POLR2J: variants seen among roughly 807,000 people sequenced by gnomAD.
The protein encoded by POLR2J is DNA-directed RNA polymerase II subunit RPB11-a.
A neutral mutation model predicts 13.4 loss-of-function variants in POLR2J; 12 were observed. The observed-to-expected ratio is 0.90, with a 90% CI of 0.57 to 1.45. POLR2J has a LOEUF of 1.45. POLR2J is among the 40% of genes most tolerant of loss of function. The pLI is 0.00. For missense variants in POLR2J, 58 were observed against 132.0 expected (o/e 0.44, Z 2.75); for synonymous variants, 31 against 53.6 (o/e 0.58, Z 1.84).
Position 102,473,343 on chromosome 7 carries a change from C to G in POLR2J, c.*306G>C. 1 of 567,352 alleles carries G rather than the reference C, an allele frequency of 1.8e-6. No homozygotes were observed. Among genetic ancestry groups the G allele is most frequent in the Non-Finnish European group, 3.0e-6 (1 of 329,942 alleles). The allele number at this position is 567,352 out of a possible 1,614,324, so 35.1% of individuals were successfully genotyped here. A position where few individuals can be genotyped will look rare whatever the true frequency, so the allele number is the denominator to read the frequency against. On this transcript the variant is annotated 3_prime_UTR_variant, in exon 4 of 4. Coordinates refer to ENST00000292614, the MANE Select transcript of POLR2J (RefSeq NM_006234.6). ...AGCCCCTGGACCCCGGATCTTTGGT[C>G]CAGAATGAATTCATCCCTGCCAGCC...
Position 102,473,463 on chromosome 7 carries a change from C to T in POLR2J, c.*186G>A. On this transcript the variant is annotated 3_prime_UTR_variant, in exon 4 of 4. Transcript: ENST00000292614. Reference sequence around the variant, plus strand: ...GCTCAAGTCCACATCCAGGTCTCTCCCGCTATACTTTATTAGGAATATAAA... The same window carrying T: ...GCTCAAGTCCACATCCAGGTCTCTCTCGCTATACTTTATTAGGAATATAAA... 1.3e-6 allele frequency: 1 copy of T among 781,522 alleles called. No individual in the cohort carries two copies. The highest frequency in any genetic ancestry group is 3.2e-5 in the East Asian group (1 of 31,630). 48.4% of individuals were successfully genotyped at this position (781,522 alleles called of 1,614,324 possible).
Position 102,473,205 on chromosome 7 carries a change from G to C in POLR2J, c.*444C>G. On this transcript the variant is annotated 3_prime_UTR_variant, in exon 4 of 4. Transcript: ENST00000292614. ...GGTGTTTCGAGTTATGCAGGAAGAA[G>C]TGTTCCTGCTTTGACTGACAGGCAG... The C allele has an allele frequency of 1.1e-6, 1 of 893,212 alleles. No homozygotes were observed. Among genetic ancestry groups the C allele is most frequent in the Non-Finnish European group, 1.7e-6 (1 of 604,696 alleles). The allele number at this position is 893,212 out of a possible 1,614,324, so 55.3% of individuals were successfully genotyped here. A position where few individuals can be genotyped will look rare whatever the true frequency, so the allele number is the denominator to read the frequency against.
Position 102,473,137 on chromosome 7 carries a change from A to C in POLR2J, c.*512T>G. ...GGGGTGGGGGGGGGTCTTTCAGTGAATATTTTTATTAAACTCTACTGTGGA... is the reference window on the plus strand; with the variant it reads ...GGGGTGGGGGGGGGTCTTTCAGTGACTATTTTTATTAAACTCTACTGTGGA... On this transcript the variant is annotated 3_prime_UTR_variant, in exon 4 of 4. Coordinates refer to ENST00000292614, the MANE Select transcript of POLR2J (RefSeq NM_006234.6). 3 of 1,403,756 alleles carry C rather than the reference A, an allele frequency of 2.1e-6. No homozygotes were observed. The highest frequency in any genetic ancestry group is 9.7e-7 in the Non-Finnish European group (1 of 1,033,860). 87.0% of individuals were successfully genotyped at this position (1,403,756 alleles called of 1,614,324 possible).
At chr7:102,475,636 A>C (rs1415881565) in intron 2 of POLR2J, among the ~76,000 whole-genome samples, 12 of 152,266 alleles carry the variant, frequency 7.9e-5, no homozygotes, top group Admixed American at 3.9e-4. Context: ...TTAATGGTGA[A>C]TGTAAGGCCG....
At position 102,473,549 on chromosome 7, in the gene POLR2J, TGGCTGGGACC is replaced by T; in HGVS notation, c.*90_*99del. 8.3e-7 allele frequency: 1 copy of T among 1,204,606 alleles called. No homozygotes were observed. The highest frequency in any genetic ancestry group is 2.3e-5 in the African/African-American group (1 of 44,342). 74.6% of individuals were successfully genotyped at this position (1,204,606 alleles called of 1,614,324 possible). A position where few individuals can be genotyped will look rare whatever the true frequency, so the allele number is the denominator to read the frequency against. On this transcript the variant is annotated 3_prime_UTR_variant, in exon 4 of 4. Transcript: ENST00000292614. ...TGAGGGGTGGCCACAAGGCGGGCCA[TGGCTGGGACC>T]GGCCGCTCTCCTCGGTGTGGTACCT...
In POLR2J at chr7:102,473,548, A is replaced by G. The variant is rs542922406; in HGVS notation, c.*101T>C. On this transcript the variant is annotated 3_prime_UTR_variant, in exon 4 of 4. Coordinates refer to ENST00000292614, the MANE Select transcript of POLR2J (RefSeq NM_006234.6). The stretch of plus-strand genomic sequence containing the variant: ...GTGAGGGGTGGCCACAAGGCGGGCC[A>G]TGGCTGGGACCGGCCGCTCTCCTCG... 216 of 1,199,286 alleles carry G rather than the reference A, an allele frequency of 1.8e-4. 1 individual carries two copies. In the South Asian group the frequency reaches 2.2e-3, roughly 12 times the overall value. 74.3% of individuals were successfully genotyped at this position (1,199,286 alleles called of 1,614,324 possible).
intron 2 of POLR2J, among the ~76,000 whole-genome samples, chr7:102,474,889 C>CAAAT: frequency 6.7e-6 from 1 of 149,814 alleles, no homozygotes; most frequent in South Asian, 2.1e-4. Context: ...CTCCACGCAG[C>CAAAT]AAATAAAGGC....
chr7:102,475,649 C>T (rs1258140280), intron 2 of POLR2J, among the ~76,000 whole-genome samples: 2 of 152,350 alleles, frequency 1.3e-5, no homozygotes, highest in Non-Finnish European at 2.9e-5. Context: ...TAAGGCCGGG[C>T]GCAGTAGCTC....
At position 102,473,519 on chromosome 7, in the gene POLR2J, CAGGGTGA is replaced by C. The variant is rs1798301388; in HGVS notation, c.*123_*129del. On this transcript the variant is annotated 3_prime_UTR_variant, in exon 4 of 4. Coordinates refer to ENST00000292614, the MANE Select transcript of POLR2J (RefSeq NM_006234.6). ...ATCTATGTACAGGACACGTCGGTGT[CAGGGTGA>C]GGGGTGGCCACAAGGCGGGCCATGG... 2.1e-6 allele frequency: 3 copies of C among 1,403,734 alleles called. No individual in the cohort carries two copies. In the East Asian group the frequency reaches 7.2e-5, roughly 34 times the overall value. 87.0% of individuals were successfully genotyped at this position (1,403,734 alleles called of 1,614,324 possible).
At chr7:102,478,548 ACT>A (rs1277384833) in intron 1 of POLR2J, among the ~76,000 whole-genome samples, 8 of 151,672 alleles carry the variant, frequency 5.3e-5, no homozygotes, top group African/African-American at 1.7e-4. Flanking sequence ...AGAACCAGAC[ACT>A]CTGGGTTCGA....
rs369546630 is a variant in POLR2J, at chr7:102,473,839, C to G, written c.319-155G>C. On this transcript the variant is annotated intron_variant, in intron 3 of 3. Coordinates refer to ENST00000292614, the MANE Select transcript of POLR2J (RefSeq NM_006234.6). ...TGGAGCAGCCAAAGGGCCCTCCCAG[C>G]TGGCCCAATCCAGCCATTCTCTATG... 2.2e-4 allele frequency: 327 copies of G among 1,455,036 alleles called. 2 individuals are homozygous for G. In the African/African-American group the frequency reaches 3.8e-3, roughly 17 times the overall value. The allele number at this position is 1,455,036 out of a possible 1,614,324, so 90.1% of individuals were successfully genotyped here. A position where few individuals can be genotyped will look rare whatever the true frequency, so the allele number is the denominator to read the frequency against.
rs1798302457 is a variant in POLR2J at position 102,473,533 on chromosome 7, G to C, written c.*116C>G. The C allele has an allele frequency of 6.7e-7, 1 of 1,493,328 alleles. No individual in the cohort carries two copies. Among genetic ancestry groups the C allele is most frequent in the Non-Finnish European group, 9.0e-7 (1 of 1,108,042 alleles). 92.5% of individuals were successfully genotyped at this position (1,493,328 alleles called of 1,614,324 possible). On this transcript the variant is annotated 3_prime_UTR_variant, in exon 4 of 4. Transcript: ENST00000292614. ...CACGTCGGTGTCAGGGTGAGGGGTG[G>C]CCACAAGGCGGGCCATGGCTGGGAC...
Position 102,473,567 on chromosome 7 carries a change from C to T in POLR2J, c.*82G>A. 1 of 1,585,804 alleles carries T rather than the reference C, an allele frequency of 6.3e-7. No homozygotes were observed. The highest frequency in any genetic ancestry group is 8.6e-7 in the Non-Finnish European group (1 of 1,166,572). On this transcript the variant is annotated 3_prime_UTR_variant, in exon 4 of 4. Coordinates refer to ENST00000292614, the MANE Select transcript of POLR2J (RefSeq NM_006234.6). ...CGGGCCATGGCTGGGACCGGCCGCTCTCCTCGGTGTGGTACCTGGAGCGGA... is the reference window on the plus strand; with the variant it reads ...CGGGCCATGGCTGGGACCGGCCGCTTTCCTCGGTGTGGTACCTGGAGCGGA...
Position 102,478,813 on chromosome 7 carries a change from C to T in POLR2J, c.48G>A (p.Glu16=). 4.3e-6 allele frequency: 7 copies of T among 1,610,934 alleles called. No individual in the cohort carries two copies. The highest frequency in any genetic ancestry group is 4.2e-6 in the Non-Finnish European group (5 of 1,179,714). Residue 16 remains glutamate, a synonymous_variant, in exon 1 of 4, where the codon GAG becomes GAA. Transcript: ENST00000292614. ...CCGCAGCCGGCGTCACTTACTTCTT[C>T]TCGCCCTCGAAGAGCAAGAACGACT... ...AFESFLLFEG[E]KKITINKDTK... is the part of the protein sequence containing the mutation.
In POLR2J at chr7:102,476,163, C is replaced by A; in HGVS notation, c.143+18G>T. 1 of 876,342 alleles carries A rather than the reference C, an allele frequency of 1.1e-6. No homozygotes were observed. Among genetic ancestry groups the A allele is most frequent in the East Asian group, 2.8e-5 (1 of 36,238 alleles). The allele number at this position is 876,342 out of a possible 1,614,324, so 54.3% of individuals were successfully genotyped here. A position where few individuals can be genotyped will look rare whatever the true frequency, so the allele number is the denominator to read the frequency against. ...CCCATTAAACACAGCCCCTGAGAGC[C>A]TGTGACGGGAAACTTACGATTTAAT... On this transcript the variant is annotated intron_variant, in intron 2 of 3. Transcript: ENST00000292614.
At chr7:102,478,768 G>A (rs749247361) in intron 1 of POLR2J, 40 bp downstream of exon 1, 4 of 1,609,104 alleles carry the variant, frequency 2.5e-6, no homozygotes, top group Middle Eastern at 2.3e-4. Flanking sequence ...GACAGCCGCA[G>A]GCCCGCGCAC....
chr7:102,478,898 C>T lies in POLR2J; in HGVS notation c.-38G>A, dbSNP rs758265836. 3 of 1,608,968 alleles carry T rather than the reference C, an allele frequency of 1.9e-6. No homozygotes were observed. The highest frequency in any genetic ancestry group is 1.1e-5 in the South Asian group (1 of 90,960). On this transcript the variant is annotated 5_prime_UTR_variant, in exon 1 of 4. Transcript: ENST00000292614. Reference sequence around the variant, plus strand: ...GTTGCGTCCAGACCCCAAGGGTCCGCCGCCGCCGCCACCAGAGCCCTAATA... The same window carrying T: ...GTTGCGTCCAGACCCCAAGGGTCCGTCGCCGCCGCCACCAGAGCCCTAATA...
intron 3 of POLR2J, 157 bp downstream of exon 3, chr7:102,474,204 C>T (rs1233436764): frequency 1.3e-5 from 20 of 1,552,094 alleles, no homozygotes; most frequent in Non-Finnish European, 1.5e-5. Context: ...GCCCCTCAGT[C>T]CACATGTCCT....
In POLR2J at chr7:102,473,919, A is replaced by T. The variant is rs1384128359; in HGVS notation, c.319-235T>A. Reference sequence around the variant, plus strand: ...AGGCTTCCTGGTGAGCAGACGACTCAGACGTTGAAATCCCCCAAGCTGTGG... The same window carrying T: ...AGGCTTCCTGGTGAGCAGACGACTCTGACGTTGAAATCCCCCAAGCTGTGG... On this transcript the variant is annotated intron_variant, in intron 3 of 3. Transcript: ENST00000292614. The T allele has an allele frequency of 2.1e-6, 3 of 1,434,936 alleles. No individual in the cohort carries two copies. In the African/African-American group the frequency reaches 4.3e-5, roughly 21 times the overall value. The allele number at this position is 1,434,936 out of a possible 1,614,324, so 88.9% of individuals were successfully genotyped here. A position where few individuals can be genotyped will look rare whatever the true frequency, so the allele number is the denominator to read the frequency against.
Sources: gnomAD v4.1 joint callset for allele counts (sites outside exome capture counted in the v4.1 genomes callset) on GRCh38, gnomAD v4.1.1 for gene constraint, MANE v1.5 for transcripts, NCBI Gene and HGNC (gene_info 2026-07-23, HGNC 2026-07-21) for gene names.